Variants in ADGRL3 observed in about 807,000 individuals in gnomAD.
The protein encoded by ADGRL3 is calcium-independent alpha-latrotoxin receptor 3.
A neutral mutation model predicts 153.5 loss-of-function variants in ADGRL3; 62 were observed. The ratio of observed to expected loss-of-function variants is 0.40; its 90% CI spans 0.33 to 0.50. The LOEUF is 0.50. Among genes scored for constraint, ADGRL3 ranks in the 20% least tolerant of loss-of-function variants. ADGRL3 has a pLI of 0.47. For synonymous variants in ADGRL3, 710 were observed against 672.5 expected, an observed-to-expected ratio of 1.06 and a Z score of -0.86; for missense variants, 1,641 against 1,859.4, an observed-to-expected ratio of 0.88 and a Z score of 2.16.
At chr4:61,236,460 ACT>A (rs1437372195) in intron 1 of ADGRL3, among the ~76,000 whole-genome samples, 5 of 150,320 alleles carry the variant, frequency 3.3e-5, no homozygotes, top group Non-Finnish European at 7.4e-5. Context: ...ACCATTCAAA[ACT>A]CTTTTTGTTT....
At chr4:61,998,386 T>C in intron 21 of ADGRL3, 121 bp downstream of exon 21, 2 of 462,576 alleles carry the variant, frequency 4.3e-6, no homozygotes, top group Non-Finnish European at 7.5e-6. Flanking sequence ...TTGTCTTTGC[T>C]AAATAAGATT....
intron 6 of ADGRL3, among the ~76,000 whole-genome samples, chr4:61,688,352 G>T (rs2095482811): frequency 6.6e-6 from 1 of 152,082 alleles, no homozygotes; most frequent in Non-Finnish European, 1.5e-5. Context: ...TAACTTAGAA[G>T]TTACGAGTAA....
chr4:61,245,353 C>T (rs1315516447), intron 1 of ADGRL3, among the ~76,000 whole-genome samples: 2 of 152,010 alleles, frequency 1.3e-5, no homozygotes, highest in South Asian at 2.1e-4. Context: ...TCCTGAAATA[C>T]ATTTAAAAAA....
intron 5 of ADGRL3, among the ~76,000 whole-genome samples, chr4:61,597,345 G>T (rs2098993254): frequency 6.6e-6 from 1 of 152,022 alleles, no homozygotes; most frequent in Admixed American, 6.6e-5. Flanking sequence ...TGGGTTAAAA[G>T]GTGAGTAGAT....
chr4:61,772,585 G>C (rs1482825839), intron 8 of ADGRL3, among the ~76,000 whole-genome samples: 1 of 152,164 alleles, frequency 6.6e-6, no homozygotes, highest in African/African-American at 2.4e-5. Context: ...GAAGTGTGCA[G>C]TTATGAAAAA....
intron 9 of ADGRL3, among the ~76,000 whole-genome samples, chr4:61,820,190 T>C (rs1309004396): frequency 2.6e-5 from 4 of 152,212 alleles, no homozygotes; most frequent in African/African-American, 9.6e-5. Flanking sequence ...GAATAAAATG[T>C]TGTACTCTCT....
chr4:61,570,528 A>G (rs1226747380), intron 4 of ADGRL3, among the ~76,000 whole-genome samples: 1 of 152,162 alleles, frequency 6.6e-6, no homozygotes, highest in Non-Finnish European at 1.5e-5. Flanking sequence ...AACCAAATCA[A>G]GACTATTCTC....
intron 4 of ADGRL3, among the ~76,000 whole-genome samples, chr4:61,544,728 C>G (rs2098705909): frequency 6.6e-6 from 1 of 152,014 alleles, no homozygotes; most frequent in South Asian, 2.1e-4. Context: ...TTTTATGGAG[C>G]AAGTCTTATG....
chr4:61,889,710 T>C (rs963077670), intron 9 of ADGRL3, among the ~76,000 whole-genome samples: 4 of 152,184 alleles, frequency 2.6e-5, no homozygotes, highest in African/African-American at 9.7e-5. Context: ...CAAAGATATA[T>C]TATTAAACCC....
chr4:61,397,591 A>G (rs1021645236), intron 2 of ADGRL3, among the ~76,000 whole-genome samples: 4 of 151,656 alleles, frequency 2.6e-5, no homozygotes, highest in African/African-American at 7.3e-5. Context: ...CTTTTCCACC[A>G]CATAGCCAGA....
At chr4:61,210,603 A>G (rs1739514069) in intron 1 of ADGRL3, among the ~76,000 whole-genome samples, 1 of 152,200 alleles carries the variant, frequency 6.6e-6, no homozygotes, top group African/African-American at 2.4e-5. Flanking sequence ...ATAAAAGGAA[A>G]TGGTTCTGAC....
At chr4:62,059,908 A>G (rs1739132241) in intron 25 of ADGRL3, among the ~76,000 whole-genome samples, 1 of 152,156 alleles carries the variant, frequency 6.6e-6, no homozygotes, top group African/African-American at 2.4e-5. Context: ...TTTAAAATAC[A>G]TTAAAAATTA....
chr4:61,502,204 A>G (rs192819470), intron 3 of ADGRL3, among the ~76,000 whole-genome samples: 20 of 152,288 alleles, frequency 1.3e-4, no homozygotes, highest in Admixed American at 4.6e-4. Context: ...TCAAGGTCCA[A>G]TGTGGGACCT....
chr4:61,411,569 C>T (rs1028809494), intron 2 of ADGRL3, among the ~76,000 whole-genome samples: 6 of 152,158 alleles, frequency 3.9e-5, no homozygotes, highest in Non-Finnish European at 7.4e-5. Flanking sequence ...TTCAGATGAC[C>T]TGTATTCAGC....
At chr4:61,871,641 A>G (rs1319580837) in intron 9 of ADGRL3, among the ~76,000 whole-genome samples, 1 of 152,188 alleles carries the variant, frequency 6.6e-6, no homozygotes, top group East Asian at 1.9e-4. Flanking sequence ...AATGACTACT[A>G]TTGAGCAAGG....
Position 61,419,394 on chromosome 4 carries a change from A to T in ADGRL3, c.-174+36205A>T, listed in dbSNP as rs568754633. ...ACTATTTATTCACTTATTCCAGTTC[A>T]GGGTCGCCAGTGGCCAGAGCCAACC... On this transcript the variant is annotated intron_variant, in intron 2 of 26. Transcript: ENST00000683033. 1.1e-3 allele frequency among the ~76,000 whole-genome samples: 166 copies of T among 150,942 alleles called. 17 individuals carry two copies. The highest frequency in any genetic ancestry group is 4.0e-3 in the African/African-American group (164 of 40,798).
In ADGRL3 at chr4:61,407,907, T is replaced by A. The variant is rs139544118; in HGVS notation, c.-174+24718T>A. ...TCCTTTATAAATCCTGAACTCAAAA[T>A]TATAAATTGGTTTTCCATAACAAAC... On this transcript the variant is annotated intron_variant, in intron 2 of 26. Transcript: ENST00000683033. 4.2e-3 allele frequency among the ~76,000 whole-genome samples: 638 copies of A among 152,204 alleles called. 13 individuals carry two copies. The East Asian group carries it at 0.05, about 12-fold the overall frequency.
At chr4:61,455,655 A>G (rs1292670690) in intron 2 of ADGRL3, among the ~76,000 whole-genome samples, 1 of 151,974 alleles carries the variant, frequency 6.6e-6, no homozygotes, top group East Asian at 1.9e-4. Context: ...ATTTCATTGT[A>G]TATTCTGATA....
intron 1 of ADGRL3, among the ~76,000 whole-genome samples, chr4:61,341,369 T>C (rs1425290246): frequency 6.6e-6 from 1 of 151,938 alleles, no homozygotes; most frequent in African/African-American, 2.4e-5. Context: ...TTTATAAAGA[T>C]ATCAGAGTAC....
Sources: allele counts gnomAD v4.1 joint callset (sites outside exome capture counted in the v4.1 genomes callset), GRCh38; gene constraint gnomAD v4.1.1; transcripts MANE v1.5; gene names NCBI Gene and HGNC (gene_info 2026-07-23, HGNC 2026-07-21).